MTA3: variants seen among roughly 807,000 people sequenced by gnomAD.
The protein encoded by MTA3 is metastasis-associated protein MTA3.
A neutral mutation model predicts 83.5 loss-of-function variants in MTA3; 34 were observed. The ratio of observed to expected loss-of-function variants is 0.41; its 90% CI spans 0.31 to 0.54. MTA3 has a LOEUF of 0.54. Ranked by LOEUF, MTA3 falls within the 20% of genes least tolerant of loss-of-function variation. MTA3 has a pLI of 0.33. For missense variants in MTA3, 761 were observed against 726.4 expected (o/e 1.05, Z -0.55); for synonymous variants, 303 against 252.7 (o/e 1.20, Z -1.89).
At chr2:42,585,972 A>C (rs901966782) in intron 3 of MTA3, among the ~76,000 whole-genome samples, 12 of 152,058 alleles carry the variant, frequency 7.9e-5, no homozygotes, top group Admixed American at 6.6e-4. Context: ...CAAGATGAAT[A>C]ACTTCCTGAC....
At chr2:42,621,502 A>G (rs915107384) in intron 4 of MTA3, among the ~76,000 whole-genome samples, 2 of 152,256 alleles carry the variant, frequency 1.3e-5, no homozygotes, top group Admixed American at 6.5e-5. Flanking sequence ...TTAGTACAGA[A>G]CAAAATGGAG....
rs528099175 is a variant in MTA3 at position 42,608,007 on chromosome 2, A to G, written c.191-1451A>G. 3.9e-5 allele frequency among the ~76,000 whole-genome samples: 6 copies of G among 152,352 alleles called. No individual in the cohort carries two copies. The South Asian group carries it at 1.0e-3, about 26-fold the overall frequency. Reference sequence around the variant, plus strand: ...TTGAAATTTAACTGGTAAATTTTAAAAAGTGGTTTTCATTAGTGATCTGCA... The same window carrying G: ...TTGAAATTTAACTGGTAAATTTTAAGAAGTGGTTTTCATTAGTGATCTGCA... On this transcript the variant is annotated intron_variant, in intron 3 of 16. Coordinates refer to ENST00000405094, the MANE Select transcript of MTA3 (RefSeq NM_001330442.2).
chr2:42,648,389 A>G (rs1472217430), intron 6 of MTA3, among the ~76,000 whole-genome samples: 1 of 152,212 alleles, frequency 6.6e-6, no homozygotes, highest in Non-Finnish European at 1.5e-5. Flanking sequence ...CATTTCCACC[A>G]GTGGCCAGAT....
At chr2:42,537,949 T>C (rs1167752630) in intron 2 of MTA3, among the ~76,000 whole-genome samples, 5 of 152,016 alleles carry the variant, frequency 3.3e-5, no homozygotes. Flanking sequence ...ATTTTGACAA[T>C]AGGCCAGGCA....
intron 9 of MTA3, among the ~76,000 whole-genome samples, chr2:42,684,585 G>C (rs115375917): frequency 5.3e-5 from 8 of 152,208 alleles, no homozygotes; most frequent in Non-Finnish European, 1.2e-4. Flanking sequence ...TAAAATAATA[G>C]AGCTACAGCT....
intron 2 of MTA3, among the ~76,000 whole-genome samples, chr2:42,528,603 A>T (rs1425865538): frequency 6.6e-6 from 1 of 152,218 alleles, no homozygotes; most frequent in Non-Finnish European, 1.5e-5. Context: ...CACAGTTTTT[A>T]GAGACAGACC....
intron 2 of MTA3, among the ~76,000 whole-genome samples, chr2:42,571,409 A>T (rs910155916): frequency 5.3e-5 from 8 of 150,718 alleles, no homozygotes; most frequent in Non-Finnish European, 8.9e-5. Flanking sequence ...AAAAAAAAAA[A>T]AGTTGAGATT....
intron 14 of MTA3, chr2:42,712,934 T>A (rs1047355633): frequency 3.3e-5 from 5 of 152,184 alleles, no homozygotes; most frequent in Admixed American, 6.5e-5. Flanking sequence ...GAGAATGACG[T>A]TCCTCTGTTA....
chr2:42,549,041 G>A (rs1417748505), intron 2 of MTA3, among the ~76,000 whole-genome samples: 2 of 136,538 alleles, frequency 1.5e-5, no homozygotes, highest in Non-Finnish European at 3.1e-5. Context: ...GGGCGTGGTC[G>A]TGCATGCCTG....
chr2:42,505,862 A>G (rs1674607170), intron 2 of MTA3, among the ~76,000 whole-genome samples: 1 of 148,590 alleles, frequency 6.7e-6, no homozygotes, highest in Admixed American at 6.9e-5. Context: ...TCCATCTCCC[A>G]GGTTCAAGTG....
intron 9 of MTA3, 62 bp from the exon 10 acceptor site, chr2:42,695,703 T>TATTTTC: frequency 1.0e-6 from 1 of 954,966 alleles, no homozygotes; most frequent in Non-Finnish European, 1.5e-6. Flanking sequence ...TATAGTAGCT[T>TATTTTC]ATTTTCATCT....
intron 3 of MTA3, among the ~76,000 whole-genome samples, chr2:42,605,193 G>T (rs1406577294): frequency 6.9e-6 from 1 of 144,874 alleles, no homozygotes; most frequent in Non-Finnish European, 1.5e-5. Flanking sequence ...CCCGGACGGG[G>T]CGGCTGGCCG....
At chr2:42,700,491 C>T (rs1379438923) in intron 11 of MTA3, among the ~76,000 whole-genome samples, 3 of 152,094 alleles carry the variant, frequency 2.0e-5, no homozygotes, top group African/African-American at 4.8e-5. Flanking sequence ...AATCAAATAA[C>T]GTTCTAGATT....
chr2:42,692,628 C>T (rs759814383), intron 9 of MTA3, among the ~76,000 whole-genome samples: 6 of 152,166 alleles, frequency 3.9e-5, no homozygotes, highest in South Asian at 4.1e-4. Context: ...GGTTTCACCA[C>T]GTTGGCCAGG....
At chr2:42,589,698 A>C (rs933719595) in intron 3 of MTA3, among the ~76,000 whole-genome samples, 1 of 152,122 alleles carries the variant, frequency 6.6e-6, no homozygotes, top group Admixed American at 6.6e-5. Context: ...GATTACAGAT[A>C]TGTGCCACCA....
intron 2 of MTA3, among the ~76,000 whole-genome samples, chr2:42,516,471 C>A (rs1332518923): frequency 6.6e-6 from 1 of 152,150 alleles, no homozygotes; most frequent in Non-Finnish European, 1.5e-5. Context: ...CAGGTTACTC[C>A]TTTTCTCCTT....
At chr2:42,500,241 A>G (rs1319747792) in intron 2 of MTA3, among the ~76,000 whole-genome samples, 2 of 152,130 alleles carry the variant, frequency 1.3e-5, no homozygotes, top group Non-Finnish European at 2.9e-5. Flanking sequence ...TGTACTCAAA[A>G]TACAAAAATT....
chr2:42,692,646 C>T (rs1005022106), intron 9 of MTA3, among the ~76,000 whole-genome samples: 1 of 152,124 alleles, frequency 6.6e-6, no homozygotes, highest in Non-Finnish European at 1.5e-5. Context: ...AGGCTAGTCT[C>T]GAACTCCTGG....
At chr2:42,688,993 C>A (rs576846078) in intron 9 of MTA3, among the ~76,000 whole-genome samples, 5 of 151,866 alleles carry the variant, frequency 3.3e-5, no homozygotes, top group Non-Finnish European at 7.4e-5. Flanking sequence ...CTTTTAATGA[C>A]GAGCAAGTTC....
Sources: gnomAD v4.1 joint callset for allele counts (sites outside exome capture counted in the v4.1 genomes callset) on GRCh38, gnomAD v4.1.1 for gene constraint, MANE v1.5 for transcripts, NCBI Gene and HGNC (gene_info 2026-07-23, HGNC 2026-07-21) for gene names.